MBOAT2: variants seen among roughly 807,000 people sequenced by gnomAD.
MBOAT2 encodes membrane bound glycerophospholipid O-acyltransferase 2, also known as membrane-bound glycerophospholipid O-acyltransferase 2.
MBOAT2 carries 28 observed loss-of-function variants against 63.4 expected under a neutral mutation model. That is an observed-to-expected ratio of 0.44 (90% CI 0.33 to 0.61). The LOEUF (loss-of-function observed/expected upper bound fraction) is 0.61. MBOAT2 is among the 20% of genes least tolerant of loss of function. The pLI is 0.03. For missense variants in MBOAT2, 470 were observed against 605.8 expected, an observed-to-expected ratio of 0.78 and a Z score of 2.35; for synonymous variants, 211 against 215.6, an observed-to-expected ratio of 0.98 and a Z score of 0.19.
Position 8,879,427 on chromosome 2 carries a change from G to A in MBOAT2, c.507-2214C>T, listed in dbSNP as rs1310484876. On this transcript the variant is annotated intron_variant, in intron 6 of 12. Transcript: ENST00000305997. ...TCATATCAAACAACAAGTCATTTTA[G>A]GTACCGAAGTAAGTAACTGTATTTA... Among the ~76,000 whole-genome samples the A allele has an allele frequency of 3.3e-5, 5 of 152,160 alleles. No individual in the cohort carries two copies. The East Asian group carries it at 9.6e-4, about 29-fold the overall frequency.
intron 1 of MBOAT2, among the ~76,000 whole-genome samples, chr2:9,002,578 C>A (rs188775290): frequency 6.6e-6 from 1 of 152,292 alleles, no homozygotes; most frequent in East Asian, 1.9e-4. Flanking sequence ...TACCTTTAGC[C>A]TGGGGCTAGA....
intron 3 of MBOAT2, among the ~76,000 whole-genome samples, chr2:8,916,671 T>G (rs910352501): frequency 3.3e-5 from 5 of 152,238 alleles, no homozygotes; most frequent in Admixed American, 2.6e-4. Flanking sequence ...GTGTTTGTTT[T>G]AACACGATGA....
In MBOAT2 at chr2:8,877,117, G is replaced by C; in HGVS notation, c.603C>G (p.Phe201Leu). 1 of 1,614,130 alleles carries C rather than the reference G, an allele frequency of 6.2e-7. No individual in the cohort carries two copies. Among genetic ancestry groups the C allele is most frequent in the South Asian group, 1.1e-5 (1 of 91,076 alleles). Residue 201 changes from phenylalanine (F) to leucine (L), a missense_variant, in exon 7 of 13, where the codon TTC (phenylalanine) becomes TTG (leucine). Around this residue, in one of 3 missense-constraint regions of MBOAT2, gnomAD observed 376 missense variants for 503.8 expected, o/e 0.75. Transcript: ENST00000305997. ...PLCSYKDYITFIEGRSYHITQ... is the reference protein window; with the variant it reads ...PLCSYKDYITLIEGRSYHITQ... ...TGATATGGTATGATCTGCCTTCAATGAAAGTAATGTAGTCTTTGTAAGAGC... is the reference window on the plus strand; with the variant it reads ...TGATATGGTATGATCTGCCTTCAATCAAAGTAATGTAGTCTTTGTAAGAGC...
chr2:8,946,916 G>A (rs1415094583), intron 2 of MBOAT2, among the ~76,000 whole-genome samples: 1 of 152,194 alleles, frequency 6.6e-6, no homozygotes, highest in Non-Finnish European at 1.5e-5. Context: ...AAGTGTTCAA[G>A]TGAAAGGAAA....
At chr2:8,889,960 G>A (rs1487035816) in intron 4 of MBOAT2, among the ~76,000 whole-genome samples, 1 of 152,094 alleles carries the variant, frequency 6.6e-6, no homozygotes, top group Non-Finnish European at 1.5e-5. Context: ...CGGGTGACAT[G>A]TGGCTGGGAG....
At chr2:8,998,663 A>T (rs1672477355) in intron 1 of MBOAT2, among the ~76,000 whole-genome samples, 1 of 151,892 alleles carries the variant, frequency 6.6e-6, no homozygotes, top group Non-Finnish European at 1.5e-5. Context: ...ACTGTCCAAA[A>T]AGGAAACAAG....
intron 2 of MBOAT2, among the ~76,000 whole-genome samples, chr2:8,948,874 G>T (rs1437256206): frequency 1.3e-5 from 2 of 152,152 alleles, no homozygotes; most frequent in African/African-American, 4.8e-5. Flanking sequence ...GGGATTGCTG[G>T]GTCAAACGGT....
chr2:8,948,559 G>A (rs937086119), intron 2 of MBOAT2, among the ~76,000 whole-genome samples: 2 of 152,102 alleles, frequency 1.3e-5, no homozygotes, highest in Non-Finnish European at 2.9e-5. Flanking sequence ...GTACCCAAAT[G>A]TTTAGCTCCC....
intron 1 of MBOAT2, among the ~76,000 whole-genome samples, chr2:8,986,203 T>A (rs1573251709): frequency 3.4e-5 from 4 of 117,120 alleles, no homozygotes; most frequent in Admixed American, 2.0e-4. Context: ...GCAGACAAGG[T>A]CACCAAAAAA....
At chr2:8,951,951 C>A (rs571543429) in intron 2 of MBOAT2, among the ~76,000 whole-genome samples, 7 of 152,172 alleles carry the variant, frequency 4.6e-5, no homozygotes, top group Admixed American at 1.3e-4. Context: ...TTAGTTATTT[C>A]TTTTCTTCTG....
At chr2:8,895,076 A>G (rs889891845) in intron 4 of MBOAT2, among the ~76,000 whole-genome samples, 1 of 152,266 alleles carries the variant, frequency 6.6e-6, no homozygotes, top group African/African-American at 2.4e-5. Flanking sequence ...GTGGGGACCC[A>G]AAGAGTGAGC....
chr2:8,924,533 T>C (rs1666804856), intron 3 of MBOAT2, among the ~76,000 whole-genome samples: 1 of 152,208 alleles, frequency 6.6e-6, no homozygotes, highest in African/African-American at 2.4e-5. Context: ...ATTTTGTTTG[T>C]TCTTTTGCAA....
intron 4 of MBOAT2, among the ~76,000 whole-genome samples, chr2:8,893,767 C>T (rs1664199771): frequency 6.6e-6 from 1 of 152,196 alleles, no homozygotes; most frequent in Admixed American, 6.5e-5. Flanking sequence ...GCATTTCAAA[C>T]AAGAGTCATT....
At chr2:8,885,219 G>A (rs6753407) in intron 5 of MBOAT2, among the ~76,000 whole-genome samples, 13 of 152,134 alleles carry the variant, frequency 8.5e-5, no homozygotes, top group African/African-American at 2.4e-4. Flanking sequence ...GAATCATGGC[G>A]ATGCCAAACA....
chr2:8,945,250 C>T (rs1179297102), intron 2 of MBOAT2, among the ~76,000 whole-genome samples: 1 of 152,158 alleles, frequency 6.6e-6, no homozygotes, highest in Admixed American at 6.5e-5. Flanking sequence ...TCTGCATTTA[C>T]CTCTATCTCA....
In MBOAT2 at chr2:8,858,659, A is replaced by C; in HGVS notation, c.*20T>G. ...TCTGTTAACATCAAAAAAAAAAAAC[A>C]GCCCTCAGAGCCTTCCCGATCACTG... is the stretch of plus-strand genomic sequence containing the variant. On this transcript the variant is annotated 3_prime_UTR_variant, in exon 13 of 13. Transcript: ENST00000305997. 2.0e-6 allele frequency: 3 copies of C among 1,516,088 alleles called. No homozygotes were observed. Among genetic ancestry groups the C allele is most frequent in the Admixed American group, 2.1e-5 (1 of 48,116 alleles). The allele number at this position is 1,516,088 out of a possible 1,614,324, so 93.9% of individuals were successfully genotyped here. A position where few individuals can be genotyped will look rare whatever the true frequency, so the allele number is the denominator to read the frequency against.
intron 3 of MBOAT2, among the ~76,000 whole-genome samples, chr2:8,921,271 CTA>C (rs1240277824): frequency 6.6e-6 from 1 of 152,092 alleles, no homozygotes; most frequent in African/African-American, 2.4e-5. Flanking sequence ...CTAGGAATTA[CTA>C]TGTGTCTCAT....
intron 5 of MBOAT2, among the ~76,000 whole-genome samples, 197 bp downstream of exon 5, chr2:8,887,821 C>G (rs373996269): frequency 6.6e-6 from 1 of 152,130 alleles, no homozygotes; most frequent in African/African-American, 2.4e-5. Flanking sequence ...GCACTGAATT[C>G]AAAACGAAGA....
At chr2:8,880,888 G>A (rs778878826) in intron 6 of MBOAT2, among the ~76,000 whole-genome samples, 8 of 152,192 alleles carry the variant, frequency 5.3e-5, no homozygotes, top group Non-Finnish European at 1.5e-5. Context: ...CCAAGAGTGG[G>A]CACAAAAACC....
Sources: allele counts gnomAD v4.1 joint callset (sites outside exome capture counted in the v4.1 genomes callset), GRCh38; gene constraint gnomAD v4.1.1; regional missense constraint gnomAD v4.1.1; transcripts MANE v1.5; gene names NCBI Gene and HGNC (gene_info 2026-07-23, HGNC 2026-07-21).